The following WWOX variants were observed in gnomAD, a reference collection of about 807,000 sequenced individuals.
The protein encoded by WWOX is WW domain-containing oxidoreductase.
In WWOX, 69 loss-of-function variants were observed where a neutral mutation model predicts 46.2. The observed-to-expected ratio is 1.49, with a 90% CI of 1.23 to 1.82. The LOEUF (loss-of-function observed/expected upper bound fraction) is 1.82, where lower values mean the gene tolerates loss of function less well. Among genes scored for constraint, WWOX ranks in the 40% most tolerant of loss-of-function variants. The pLI, the probability that WWOX is intolerant of heterozygous loss-of-function variation, is 0.00. For missense variants in WWOX, 919 were observed against 542.6 expected, an observed-to-expected ratio of 1.69 and a Z score of -6.89; for synonymous variants, 359 against 202.6, an observed-to-expected ratio of 1.77 and a Z score of -6.56.
chr16:78,558,386 C>T (rs1277942645), intron 8 of WWOX, among the ~76,000 whole-genome samples: 1 of 152,224 alleles, frequency 6.6e-6, no homozygotes, highest in Admixed American at 6.5e-5. Flanking sequence ...ACATTTAAAA[C>T]TTGGGAGACA....
At position 78,372,112 on chromosome 16, in the gene WWOX, C is replaced by G. The variant is rs563213750; in HGVS notation, c.517-14748C>G. On this transcript the variant is annotated intron_variant, in intron 5 of 8. Transcript: ENST00000566780. ...TGGGCAATGAATCTAGTTGAGTGCC[C>G]TGCAAACTAAGGCACAGGGATTTTT... 9.2e-5 allele frequency among the ~76,000 whole-genome samples: 14 copies of G among 152,296 alleles called. No homozygotes were observed. The South Asian group carries it at 2.9e-3, about 32-fold the overall frequency.
intron 5 of WWOX, among the ~76,000 whole-genome samples, chr16:78,354,277 C>T (rs1360387171): frequency 3.5e-5 from 5 of 142,196 alleles, no homozygotes; most frequent in African/African-American, 1.3e-4. Flanking sequence ...TTTTGCTTGG[C>T]ATAGGGAGAA....
chr16:78,391,512 A>G (rs951557563), intron 6 of WWOX, among the ~76,000 whole-genome samples: 13 of 152,274 alleles, frequency 8.5e-5, no homozygotes, highest in African/African-American at 3.1e-4. Flanking sequence ...AGTCATAGGA[A>G]TTTCAGTGTG....
At chr16:78,981,166 T>C (rs1360655337) in intron 8 of WWOX, among the ~76,000 whole-genome samples, 1 of 152,196 alleles carries the variant, frequency 6.6e-6, no homozygotes, top group East Asian at 1.9e-4. Context: ...AGCACTTTCC[T>C]AAACTCTGCA....
chr16:79,094,364 C>G (rs1461524168), intron 8 of WWOX, among the ~76,000 whole-genome samples: 1 of 151,944 alleles, frequency 6.6e-6, no homozygotes, highest in African/African-American at 2.4e-5. Flanking sequence ...ATTCCCCTGC[C>G]TTAGCCTCCC....
chr16:78,619,630 C>T (rs1001876680), intron 8 of WWOX, among the ~76,000 whole-genome samples: 1 of 151,470 alleles, frequency 6.6e-6, no homozygotes. Context: ...GTGAATTGGG[C>T]GTGGTGGCTC....
At chr16:78,316,468 G>T (rs2080357827) in intron 5 of WWOX, among the ~76,000 whole-genome samples, 1 of 152,064 alleles carries the variant, frequency 6.6e-6, no homozygotes, top group Admixed American at 6.5e-5. Flanking sequence ...TCAGGCTCCT[G>T]AGTAGCTGGG....
intron 4 of WWOX, among the ~76,000 whole-genome samples, chr16:78,134,095 A>G: frequency 6.6e-6 from 1 of 152,130 alleles, no homozygotes; most frequent in Non-Finnish European, 1.5e-5. Context: ...AGGAGAACTA[A>G]CCCTTGTGAC....
intron 8 of WWOX, among the ~76,000 whole-genome samples, chr16:79,040,933 A>C (rs1015392816): frequency 1.3e-5 from 2 of 151,984 alleles, no homozygotes; most frequent in Admixed American, 1.3e-4. Flanking sequence ...GCATCCATGG[A>C]TGGAGCATGG....
chr16:78,501,890 T>A (rs953379238), intron 8 of WWOX, among the ~76,000 whole-genome samples: 1 of 152,026 alleles, frequency 6.6e-6, no homozygotes, highest in African/African-American at 2.4e-5. Flanking sequence ...GCGGTGGGGT[T>A]GGGGTGGCAA....
intron 5 of WWOX, among the ~76,000 whole-genome samples, chr16:78,257,667 T>C (rs962513076): frequency 2.0e-5 from 3 of 148,598 alleles, no homozygotes; most frequent in Non-Finnish European, 3.0e-5. Flanking sequence ...CTCCATTCCT[T>C]CTGCATTGGG....
chr16:78,438,600 C>G (rs955072089), intron 8 of WWOX, among the ~76,000 whole-genome samples: 3 of 152,108 alleles, frequency 2.0e-5, no homozygotes, highest in Non-Finnish European at 1.5e-5. Context: ...TTTTGTGCAA[C>G]CACATATTTG....
intron 8 of WWOX, among the ~76,000 whole-genome samples, chr16:78,712,314 C>T (rs370058991): frequency 1.3e-5 from 2 of 151,970 alleles, no homozygotes; most frequent in African/African-American, 4.8e-5. Flanking sequence ...CCATCCTGGC[C>T]AACCTGGTGA....
At chr16:79,045,549 C>T (rs780132286) in intron 8 of WWOX, among the ~76,000 whole-genome samples, 21 of 152,110 alleles carry the variant, frequency 1.4e-4, no homozygotes, top group Non-Finnish European at 2.5e-4. Context: ...GTCTCATTTT[C>T]CCAATAGAAC....
intron 4 of WWOX, among the ~76,000 whole-genome samples, chr16:78,159,475 C>T (rs185455980): frequency 7.2e-4 from 110 of 152,202 alleles, no homozygotes; most frequent in Non-Finnish European, 1.5e-4. Flanking sequence ...TGTTTCCACA[C>T]CCTGAACCAC....
chr16:78,891,015 G>A (rs1454686594), intron 8 of WWOX: 3 of 152,120 alleles, frequency 2.0e-5, no homozygotes, highest in Non-Finnish European at 4.4e-5. Context: ...GTAAATCACA[G>A]GTTGCCTTTC....
intron 6 of WWOX, among the ~76,000 whole-genome samples, chr16:78,422,700 CAT>C (rs778154740): frequency 0.047 from 1,912 of 40,286 alleles, 64 homozygotes; most frequent in Non-Finnish European, 0.09. Context: ...CACACACACA[CAT>C]ATATATATAC....
intron 8 of WWOX, among the ~76,000 whole-genome samples, chr16:78,517,855 A>ATTTTTTTTTTTTTTTTTTTTTTTTTTTTT: frequency 1.2e-5 from 1 of 86,394 alleles, no homozygotes; most frequent in Non-Finnish European, 2.3e-5. Flanking sequence ...TACACAACCT[A>ATTTTTTTTTTTTTTTTTTTTTTTTTTTTT]TTTTTTTTTT....
intron 8 of WWOX, among the ~76,000 whole-genome samples, chr16:78,739,478 G>T (rs766071952): frequency 6.6e-6 from 1 of 152,138 alleles, no homozygotes; most frequent in Non-Finnish European, 1.5e-5. Flanking sequence ...ATTGGGTTGG[G>T]TGACAACAGG....
Sources: allele counts gnomAD v4.1 joint callset (sites outside exome capture counted in the v4.1 genomes callset), GRCh38; gene constraint gnomAD v4.1.1; transcripts MANE v1.5; gene names NCBI Gene and HGNC (gene_info 2026-07-23, HGNC 2026-07-21).